PHF24: variants seen among roughly 807,000 people sequenced by gnomAD.
The protein encoded by PHF24 is Galpha inhibitory interacting protein.
In PHF24, 25 loss-of-function variants were observed where a neutral mutation model predicts 42.6. The observed-to-expected ratio is 0.59, with a 90% CI of 0.43 to 0.82. The LOEUF is 0.82. Ranked by LOEUF, PHF24 falls within the 40% of genes least tolerant of loss-of-function variation. The pLI is 0.00. For missense variants in PHF24, 470 were observed against 538.1 expected (o/e 0.87, Z 1.25); for synonymous variants, 185 against 204.8 (o/e 0.90, Z 0.83).
At chr9:34,746,191 C>T in the PHF24 span, among the ~76,000 whole-genome samples, 4 of 152,188 alleles carry the variant, frequency 2.6e-5, no homozygotes, top group African/African-American at 9.6e-5. Context: ...TCCTGAAGAG[C>T]TGTACCATAG....
At chr9:34,811,973 G>T in the PHF24 span, among the ~76,000 whole-genome samples, 2 of 152,108 alleles carry the variant, frequency 1.3e-5, no homozygotes, top group Non-Finnish European at 2.9e-5. Flanking sequence ...TTAGAAATGG[G>T]AAAATGATGT....
At chr9:34,800,342 C>G in the PHF24 span, among the ~76,000 whole-genome samples, 12 of 151,978 alleles carry the variant, frequency 7.9e-5, no homozygotes, top group Non-Finnish European at 1.5e-4. Flanking sequence ...TTAATTTGTT[C>G]TAATAGCTGA....
chr9:34,835,226 G>T, the PHF24 span: 1 of 1,552,210 alleles, frequency 6.4e-7, no homozygotes, highest in Non-Finnish European at 8.7e-7. Flanking sequence ...TGAACACCAG[G>T]TCTGGAGGGA....
At chr9:34,795,452 A>C in the PHF24 span, among the ~76,000 whole-genome samples, 2 of 152,192 alleles carry the variant, frequency 1.3e-5, no homozygotes, top group Non-Finnish European at 2.9e-5. Flanking sequence ...TAGGAGACCT[A>C]GTCTACAATA....
the PHF24 span, among the ~76,000 whole-genome samples, chr9:34,840,602 T>C: frequency 6.6e-6 from 1 of 151,490 alleles, no homozygotes; most frequent in Non-Finnish European, 1.5e-5. Flanking sequence ...CAATCATAGC[T>C]CACTGCAGCC....
At chr9:34,835,314 G>C in the PHF24 span, 1 of 1,551,726 alleles carries the variant, frequency 6.4e-7, no homozygotes, top group South Asian at 1.2e-5. Flanking sequence ...TTTCCAGGTT[G>C]GTAATACAAT....
intron 1 of PHF24, among the ~76,000 whole-genome samples, chr9:34,966,587 C>CA (rs1012203508): frequency 5.9e-5 from 9 of 151,656 alleles, no homozygotes; most frequent in South Asian, 2.1e-4. Flanking sequence ...GAGACCCCCC[C>CA]CCTCGCCCCA....
At chr9:34,711,806 G>T in the PHF24 span, among the ~76,000 whole-genome samples, 1 of 152,300 alleles carries the variant, frequency 6.6e-6, no homozygotes, top group South Asian at 2.1e-4. Flanking sequence ...GCCTCCCAAA[G>T]TGCTGGGATT....
the PHF24 span, chr9:34,724,167 A>G: frequency 2.6e-6 from 4 of 1,551,072 alleles, no homozygotes; most frequent in Non-Finnish European, 2.6e-6. Flanking sequence ...TCAGGGCCAC[A>G]GGGTTCCTCC....
At chr9:34,888,905 A>G in the PHF24 span, among the ~76,000 whole-genome samples, 16 of 152,270 alleles carry the variant, frequency 1.1e-4, no homozygotes, top group Non-Finnish European at 2.2e-4. Flanking sequence ...CTTTATCCAC[A>G]TTCTAGGGTG....
chr9:34,771,799 C>T, the PHF24 span, among the ~76,000 whole-genome samples: 3 of 152,126 alleles, frequency 2.0e-5, no homozygotes, highest in Non-Finnish European at 2.9e-5. Context: ...AACCAGGGCT[C>T]GAACCCAGAA....
At chr9:34,695,276 G>A in the PHF24 span, among the ~76,000 whole-genome samples, 1 of 152,218 alleles carries the variant, frequency 6.6e-6, no homozygotes, top group Middle Eastern at 3.2e-3. Context: ...CTAAGTTGGG[G>A]TGGGGGCTTC....
chr9:34,776,005 T>C, the PHF24 span, among the ~76,000 whole-genome samples: 1 of 152,202 alleles, frequency 6.6e-6, no homozygotes, highest in African/African-American at 2.4e-5. Flanking sequence ...GACCACATAC[T>C]GTATGATTCC....
the PHF24 span, among the ~76,000 whole-genome samples, chr9:34,851,844 TA>T: frequency 6.6e-6 from 1 of 152,382 alleles, no homozygotes; most frequent in African/African-American, 2.4e-5. Context: ...TTTTATGTCA[TA>T]ATTTACATCT....
the PHF24 span, among the ~76,000 whole-genome samples, chr9:34,858,054 C>G: frequency 6.9e-6 from 1 of 145,518 alleles, no homozygotes; most frequent in Non-Finnish European, 1.5e-5. Context: ...GTTCATAAAT[C>G]TCCATTTCTT....
the PHF24 span, among the ~76,000 whole-genome samples, chr9:34,708,070 C>T: frequency 6.6e-6 from 1 of 152,124 alleles, no homozygotes; most frequent in Admixed American, 6.5e-5. Context: ...AGGATCTGTT[C>T]CCTTCTTTCT....
At chr9:34,908,921 C>A in the PHF24 span, among the ~76,000 whole-genome samples, 1 of 148,702 alleles carries the variant, frequency 6.7e-6, no homozygotes, top group East Asian at 2.0e-4. Context: ...GATCTTGGCT[C>A]ACTCCAACCT....
the PHF24 span, chr9:34,723,243 G>A: frequency 4.6e-5 from 71 of 1,551,402 alleles, no homozygotes; most frequent in Non-Finnish European, 6.1e-5. Context: ...TAGGTTGGGT[G>A]CCCTGGTTTG....
chr9:34,748,360 G>C, the PHF24 span, among the ~76,000 whole-genome samples: 3 of 152,248 alleles, frequency 2.0e-5, no homozygotes, highest in East Asian at 5.8e-4. Flanking sequence ...GAGGTGATTG[G>C]ATCATGGGGG....
Sources: allele counts gnomAD v4.1 joint callset (sites outside exome capture counted in the v4.1 genomes callset), GRCh38; gene constraint gnomAD v4.1.1; transcripts MANE v1.5; gene names NCBI Gene and HGNC (gene_info 2026-07-23, HGNC 2026-07-21).